Variants in MYO1H observed in about 807,000 individuals in gnomAD.
MYO1H encodes unconventional myosin-Ih.
Under a neutral mutation model 149.3 loss-of-function variants are expected in MYO1H, and 118 were observed. The ratio of observed to expected loss-of-function variants is 0.79; its 90% CI spans 0.68 to 0.92. MYO1H has a LOEUF of 0.92. Among genes scored for constraint, MYO1H ranks in the 40% least tolerant of loss-of-function variants. MYO1H has a pLI of 0.00. For synonymous variants in MYO1H, 447 were observed against 465.2 expected (o/e 0.96, Z 0.50); for missense variants, 1,212 against 1,280.7 (o/e 0.95, Z 0.82).
chr12:109,316,770 G>A, the MYO1H span, among the ~76,000 whole-genome samples: 1 of 152,104 alleles, frequency 6.6e-6, no homozygotes. Flanking sequence ...TACGGTGGAG[G>A]TCCTAGCGCC....
intron 15 of MYO1H, among the ~76,000 whole-genome samples, chr12:109,418,929 G>A (rs1266227860): frequency 1.3e-5 from 2 of 151,600 alleles, no homozygotes; most frequent in Non-Finnish European, 2.9e-5. Context: ...TTTTTTCTTT[G>A]AATGCAAAGT....
At chr12:109,328,976 T>C in the MYO1H span, among the ~76,000 whole-genome samples, 5 of 152,116 alleles carry the variant, frequency 3.3e-5, no homozygotes, top group Non-Finnish European at 5.9e-5. Context: ...AGACTTTTGT[T>C]CCTAACAGTT....
At chr12:109,360,516 T>G (rs1166136333) in intron 1 of MYO1H, among the ~76,000 whole-genome samples, 2 of 152,202 alleles carry the variant, frequency 1.3e-5, no homozygotes, top group Non-Finnish European at 2.9e-5. Flanking sequence ...TAGCTGTTGT[T>G]TTCTGATGAC....
chr12:109,447,234 A>G lies in MYO1H; in HGVS notation c.*52A>G, dbSNP rs1447689334. ...TCGCCATTTTTGCTCCAACTGAGGA[A>G]ACTACAGGGGAAGTGGGGATTGGAT... On this transcript the variant is annotated 3_prime_UTR_variant, in exon 32 of 32. Transcript: ENST00000310903. 1.5e-5 allele frequency: 23 copies of G among 1,519,452 alleles called. 1 individual carries two copies. The South Asian group carries it at 1.7e-4, about 11-fold the overall frequency. The allele number at this position is 1,519,452 out of a possible 1,614,324, so 94.1% of individuals were successfully genotyped here.
intron 16 of MYO1H, among the ~76,000 whole-genome samples, chr12:109,421,798 T>G (rs1258296863): frequency 6.6e-6 from 1 of 152,088 alleles, no homozygotes; most frequent in Non-Finnish European, 1.5e-5. Flanking sequence ...TTTCCATATA[T>G]CTCATCAATC....
chr12:109,391,773 A>G (rs1402301910), intron 2 of MYO1H, among the ~76,000 whole-genome samples: 5 of 151,960 alleles, frequency 3.3e-5, no homozygotes, highest in Admixed American at 2.6e-4. Flanking sequence ...GTGTGAGATG[A>G]TATCTCATTG....
chr12:109,443,589 G>A, exon 28 of MYO1H: 1 of 1,613,806 alleles, frequency 6.2e-7, no homozygotes, highest in South Asian at 1.1e-5. Flanking sequence ...TACTCAGAAA[G>A]CAGCTTACGT....
At chr12:109,422,388 C>T (rs1214157625) in intron 16 of MYO1H, among the ~76,000 whole-genome samples, 1 of 152,164 alleles carries the variant, frequency 6.6e-6, no homozygotes, top group Non-Finnish European at 1.5e-5. Flanking sequence ...CTCTCTGGGT[C>T]TGAGTCCCAG....
At chr12:109,360,407 A>G (rs768973184) in intron 1 of MYO1H, among the ~76,000 whole-genome samples, 30 of 152,200 alleles carry the variant, frequency 2.0e-4, no homozygotes, top group East Asian at 3.9e-4. Flanking sequence ...TTAGGCGACC[A>G]CTATAGCCAG....
chr12:109,379,620 T>C (rs953002326), intron 1 of MYO1H, among the ~76,000 whole-genome samples: 4 of 151,816 alleles, frequency 2.6e-5, no homozygotes, highest in African/African-American at 4.8e-5. Flanking sequence ...AAAGACAAGA[T>C]TGAAAAATAG....
At chr12:109,388,960 C>T (rs7973715) in intron 2 of MYO1H, 116 bp downstream of exon 2, 94,430 of 1,301,328 alleles carry the variant, frequency 0.073, 4,607 homozygotes, top group African/African-American at 0.21. Flanking sequence ...AAGGGAGATA[C>T]TGAGGCGCCA....
At chr12:109,445,003 C>T (rs1218260076) in intron 30 of MYO1H, among the ~76,000 whole-genome samples, 5 of 152,212 alleles carry the variant, frequency 3.3e-5, no homozygotes, top group Admixed American at 2.0e-4. Flanking sequence ...ATCCTCGCCC[C>T]TTCCCATAAG....
intron 10 of MYO1H, among the ~76,000 whole-genome samples, chr12:109,409,262 T>C (rs1239022425): frequency 4.4e-5 from 5 of 112,502 alleles, no homozygotes; most frequent in Middle Eastern, 3.9e-3. Flanking sequence ...TTTTTTTTTT[T>C]TTTTTTTTTT....
At chr12:109,364,560 A>T (rs1466057969) in intron 1 of MYO1H, among the ~76,000 whole-genome samples, 8 of 152,140 alleles carry the variant, frequency 5.3e-5, no homozygotes, top group Non-Finnish European at 1.2e-4. Context: ...CCTGAGCTCA[A>T]GCGATCCACC....
At chr12:109,438,545 T>G in exon 23 of MYO1H, 1 of 1,613,068 alleles carries the variant, frequency 6.2e-7, no homozygotes, top group Non-Finnish European at 8.5e-7. Flanking sequence ...GCCATCAAAC[T>G]GGAAGCCCAC....
chr12:109,391,830 T>C (rs866385442), intron 2 of MYO1H, among the ~76,000 whole-genome samples: 1 of 152,254 alleles, frequency 6.6e-6, no homozygotes, highest in Admixed American at 6.5e-5. Flanking sequence ...TTGAGCTTTT[T>C]TTCATATGAT....
At chr12:109,368,832 G>T (rs1868923191) in intron 1 of MYO1H, among the ~76,000 whole-genome samples, 1 of 151,646 alleles carries the variant, frequency 6.6e-6, no homozygotes, top group Admixed American at 6.6e-5. Flanking sequence ...CCCTCCAGCA[G>T]TCCTCAGTTT....
the MYO1H span, among the ~76,000 whole-genome samples, chr12:109,318,968 T>TTTTTTTTG: frequency 6.8e-5 from 2 of 29,552 alleles, no homozygotes; most frequent in Non-Finnish European, 1.2e-4. Flanking sequence ...GCGTTTTTGG[T>TTTTTTTTG]TTTGTTTTTT....
chr12:109,436,585 T>C (rs1871871000), intron 22 of MYO1H, 29 bp downstream of exon 22: 1 of 1,533,546 alleles, frequency 6.5e-7, no homozygotes, highest in Non-Finnish European at 8.9e-7. Context: ...CAAATAAGTT[T>C]GCTCCCTTTC....
Sources: gnomAD v4.1 joint callset for allele counts (sites outside exome capture counted in the v4.1 genomes callset) on GRCh38, gnomAD v4.1.1 for gene constraint, MANE v1.5 for transcripts, NCBI Gene and HGNC (gene_info 2026-07-23, HGNC 2026-07-21) for gene names.